GUCY1A2: variants seen among roughly 807,000 people sequenced by gnomAD.
GUCY1A2 encodes the protein guanylate cyclase soluble subunit alpha-2.
A neutral mutation model predicts 63.5 loss-of-function variants in GUCY1A2; 27 were observed. The ratio of observed to expected loss-of-function variants is 0.43; its 90% CI spans 0.31 to 0.59. The LOEUF is 0.59. GUCY1A2 is among the 20% of genes least tolerant of loss of function. The pLI, the probability that GUCY1A2 is intolerant of heterozygous loss-of-function variation, is 0.11. For synonymous variants in GUCY1A2, 364 were observed against 343.5 expected, an observed-to-expected ratio of 1.06 and a Z score of -0.66; for missense variants, 768 against 913.3, an observed-to-expected ratio of 0.84 and a Z score of 2.05.
intron 3 of GUCY1A2, among the ~76,000 whole-genome samples, chr11:106,945,735 C>T (rs1232515525): frequency 3.3e-5 from 5 of 152,132 alleles, no homozygotes; most frequent in South Asian, 2.1e-4. Flanking sequence ...GAGGCCGAGG[C>T]GGGCAGATCA....
chr11:106,786,497 A>C (rs746610040), intron 5 of GUCY1A2, among the ~76,000 whole-genome samples: 6 of 152,226 alleles, frequency 3.9e-5, no homozygotes, highest in Non-Finnish European at 8.8e-5. Flanking sequence ...TAAAACTCTC[A>C]GTAGGTCTTT....
chr11:106,882,760 AAAG>A (rs1859843454), intron 4 of GUCY1A2, among the ~76,000 whole-genome samples: 1 of 152,050 alleles, frequency 6.6e-6, no homozygotes, highest in Non-Finnish European at 1.5e-5. Context: ...TGTGTCCCCA[AAAG>A]AAGAAAATTT....
chr11:106,987,142 G>T (rs756715762), intron 1 of GUCY1A2, among the ~76,000 whole-genome samples: 1 of 152,166 alleles, frequency 6.6e-6, no homozygotes, highest in Non-Finnish European at 1.5e-5. Context: ...CCTCATCAAA[G>T]CATTGATCCA....
At chr11:107,004,140 G>C (rs1199519676) in intron 1 of GUCY1A2, among the ~76,000 whole-genome samples, 1 of 152,144 alleles carries the variant, frequency 6.6e-6, no homozygotes. Flanking sequence ...GCATCTAGAG[G>C]AATGAGTCCT....
intron 7 of GUCY1A2, among the ~76,000 whole-genome samples, chr11:106,702,079 C>G (rs1862826682): frequency 6.6e-6 from 1 of 152,026 alleles, no homozygotes; most frequent in Non-Finnish European, 1.5e-5. Flanking sequence ...TTCTTAGTGA[C>G]TTATTTAACC....
chr11:106,985,952 C>A, intron 2 of GUCY1A2, 118 bp downstream of exon 2: 1 of 699,346 alleles, frequency 1.4e-6, no homozygotes, highest in Admixed American at 2.0e-5. Context: ...ACTATGAAAA[C>A]ATAGCCACTA....
chr11:106,998,987 G>T (rs1047861508), intron 1 of GUCY1A2, among the ~76,000 whole-genome samples: 1 of 152,172 alleles, frequency 6.6e-6, no homozygotes, highest in African/African-American at 2.4e-5. Context: ...AAGCATCACT[G>T]CTATATAGTC....
intron 4 of GUCY1A2, among the ~76,000 whole-genome samples, chr11:106,882,149 ACT>A (rs1264930446): frequency 6.6e-6 from 1 of 151,622 alleles, no homozygotes; most frequent in East Asian, 1.9e-4. Context: ...ATAAATATTG[ACT>A]CAGTTTTTTT....
At chr11:106,987,153 T>C (rs892798019) in intron 1 of GUCY1A2, among the ~76,000 whole-genome samples, 2 of 152,192 alleles carry the variant, frequency 1.3e-5, no homozygotes, top group Non-Finnish European at 2.9e-5. Context: ...CATTGATCCA[T>C]TACAGCCAAG....
intron 4 of GUCY1A2, among the ~76,000 whole-genome samples, chr11:106,851,647 G>C (rs1859356939): frequency 1.3e-5 from 2 of 151,842 alleles, no homozygotes; most frequent in African/African-American, 4.8e-5. Context: ...TTTATTGAAA[G>C]TCAGTTGGCT....
Position 106,920,146 on chromosome 11 carries a change from C to A in GUCY1A2, c.1206+19314G>T, listed in dbSNP as rs1860423222. 2.0e-5 allele frequency among the ~76,000 whole-genome samples: 3 copies of A among 147,674 alleles called. No homozygotes were observed. In the South Asian group the frequency reaches 6.4e-4, roughly 32 times the overall value. ...TACAGATATATACATTAGGGGAACG[C>A]CATTAAAAAAAACCACACACACACG... On this transcript the variant is annotated intron_variant, in intron 4 of 7. Coordinates refer to ENST00000526355, the MANE Select transcript of GUCY1A2 (RefSeq NM_000855.3).
intron 4 of GUCY1A2, among the ~76,000 whole-genome samples, chr11:106,920,030 T>C (rs935929369): frequency 6.6e-6 from 1 of 152,070 alleles, no homozygotes; most frequent in Non-Finnish European, 1.5e-5. Context: ...GGGCAATAGA[T>C]AAACTAGCTA....
intron 6 of GUCY1A2, among the ~76,000 whole-genome samples, chr11:106,749,511 G>C (rs770185037): frequency 6.6e-6 from 1 of 152,010 alleles, no homozygotes; most frequent in African/African-American, 2.4e-5. Flanking sequence ...TTTTAGGCTT[G>C]TTCTATACTG....
At chr11:106,971,287 G>C (rs1201481894) in intron 3 of GUCY1A2, among the ~76,000 whole-genome samples, 1 of 151,416 alleles carries the variant, frequency 6.6e-6, no homozygotes, top group African/African-American at 2.4e-5. Flanking sequence ...TATAATAAAA[G>C]AATCTAGCTG....
chr11:106,791,639 A>G (rs1239567931), intron 5 of GUCY1A2, among the ~76,000 whole-genome samples: 5 of 152,188 alleles, frequency 3.3e-5, no homozygotes, highest in East Asian at 1.9e-4. Flanking sequence ...CAATTTTTAT[A>G]TATCTACGGA....
At chr11:106,895,643 T>C (rs925202225) in intron 4 of GUCY1A2, among the ~76,000 whole-genome samples, 2 of 152,162 alleles carry the variant, frequency 1.3e-5, no homozygotes, top group African/African-American at 4.8e-5. Flanking sequence ...TCCCCAGCCA[T>C]GTGGAACTGT....
intron 4 of GUCY1A2, among the ~76,000 whole-genome samples, chr11:106,831,805 G>A (rs765571292): frequency 5.3e-5 from 8 of 152,136 alleles, no homozygotes; most frequent in Non-Finnish European, 8.8e-5. Flanking sequence ...ACGATTGTTT[G>A]TTATAGCAGC....
At chr11:106,795,601 ATT>A (rs1864743232) in intron 5 of GUCY1A2, among the ~76,000 whole-genome samples, 1 of 151,198 alleles carries the variant, frequency 6.6e-6, no homozygotes, top group African/African-American at 2.5e-5. Flanking sequence ...TCTCACAGCG[ATT>A]TTGTTTCAAC....
intron 3 of GUCY1A2, among the ~76,000 whole-genome samples, chr11:106,955,874 A>G (rs909206926): frequency 1.3e-5 from 2 of 152,048 alleles, no homozygotes; most frequent in African/African-American, 4.8e-5. Context: ...TCTCCTGGAT[A>G]ATATTCTGAA....
Sources: allele counts gnomAD v4.1 joint callset (sites outside exome capture counted in the v4.1 genomes callset), GRCh38; gene constraint gnomAD v4.1.1; transcripts MANE v1.5; gene names NCBI Gene and HGNC (gene_info 2026-07-23, HGNC 2026-07-21).